The following PHF20L1 variants were observed in gnomAD, a reference collection of about 807,000 sequenced individuals.
PHF20L1 encodes PHD finger protein 20-like protein 1.
In PHF20L1, 44 loss-of-function variants were observed where a neutral mutation model predicts 125.5. The ratio of observed to expected loss-of-function variants is 0.35; its 90% CI spans 0.28 to 0.45. PHF20L1 has a LOEUF of 0.45. PHF20L1 is among the 20% of genes least tolerant of loss of function. The pLI is 1.00. For missense variants in PHF20L1, 1,012 were observed against 1,217.2 expected, an observed-to-expected ratio of 0.83 and a Z score of 2.51; for synonymous variants, 380 against 403.1, an observed-to-expected ratio of 0.94 and a Z score of 0.69.
chr8:132,818,008 T>C (rs1586981006), intron 12 of PHF20L1: 1 of 152,438 alleles, frequency 6.6e-6, no homozygotes, highest in South Asian at 2.1e-4. Context: ...CCAAATTGAA[T>C]TAAATTTGCT....
At chr8:132,797,435 C>T (rs890640860) in intron 4 of PHF20L1, among the ~76,000 whole-genome samples, 1 of 151,790 alleles carries the variant, frequency 6.6e-6, no homozygotes, top group Admixed American at 6.6e-5. Context: ...TAGATAGACA[C>T]AGGGAAAGGA....
intron 2 of PHF20L1, among the ~76,000 whole-genome samples, chr8:132,787,644 T>G (rs1831205016): frequency 6.6e-6 from 1 of 152,140 alleles, no homozygotes; most frequent in Non-Finnish European, 1.5e-5. Flanking sequence ...GTTTGTTGTT[T>G]TTAAAGTATG....
Position 132,844,273 on chromosome 8 carries a change from A to G in PHF20L1, c.2866A>G (p.Asn956Asp). 1 of 1,612,776 alleles carries G rather than the reference A, an allele frequency of 6.2e-7. No homozygotes were observed. Among genetic ancestry groups the G allele is most frequent in the Non-Finnish European group, 8.5e-7 (1 of 1,179,106 alleles). ...NLLTHIENVQ[N>D]EVTSRMDLIE... ...CCTTACACACATAGAAAATGTGCAG[A>G]ACGAAGTTACCAGCAGGATGGACCT... Residue 956 changes from asparagine (N) to aspartate (D), a missense_variant, in exon 20 of 21, where the codon AAC (asparagine) becomes GAC (aspartate). Coordinates refer to ENST00000395386, the MANE Select transcript of PHF20L1 (RefSeq NM_016018.5).
intron 17 of PHF20L1, chr8:132,838,615 C>G (rs533870760): frequency 6.6e-6 from 1 of 152,052 alleles, no homozygotes; most frequent in South Asian, 2.1e-4. Flanking sequence ...GGTCCCATGA[C>G]TATTGGAAAA....
chr8:132,791,706 A>C (rs1391688994), intron 2 of PHF20L1, among the ~76,000 whole-genome samples: 1 of 152,234 alleles, frequency 6.6e-6, no homozygotes, highest in Non-Finnish European at 1.5e-5. Flanking sequence ...AAATTTGATT[A>C]GTGAACATGA....
In PHF20L1 at chr8:132,817,322, C is replaced by G. The variant is rs1053542979; in HGVS notation, c.1373-17C>G. On this transcript the variant is annotated splice_polypyrimidine_tract_variant and intron_variant, in intron 11 of 20. Coordinates refer to ENST00000395386, the MANE Select transcript of PHF20L1 (RefSeq NM_016018.5). ...TTATCTGTGTTAATATTACATTACA[C>G]TCTTTATTTTGTGTAGTGCCTGATG... The G allele has an allele frequency of 1.3e-6, 2 of 1,595,710 alleles. No individual in the cohort carries two copies. Among genetic ancestry groups the G allele is most frequent in the Admixed American group, 3.4e-5 (2 of 59,630 alleles).
chr8:132,815,414 C>T (rs890921590), intron 10 of PHF20L1: 5 of 151,736 alleles, frequency 3.3e-5, no homozygotes, highest in East Asian at 3.9e-4. Context: ...CAAGAGTTAA[C>T]GCAGTCTTTT....
intron 2 of PHF20L1, among the ~76,000 whole-genome samples, chr8:132,779,355 T>C (rs1830176814): frequency 6.6e-6 from 1 of 152,190 alleles, no homozygotes; most frequent in South Asian, 2.1e-4. Context: ...CATTAGACCA[T>C]GCAACAGAAA....
chr8:132,842,422 T>TCGA (rs1458692971), intron 18 of PHF20L1, 93 bp from the exon 19 acceptor site: 31 of 1,191,050 alleles, frequency 2.6e-5, no homozygotes, highest in Non-Finnish European at 3.6e-5. Context: ...CTAGATGTCC[T>TCGA]CCTAACCTAA....
intron 1 of PHF20L1, among the ~76,000 whole-genome samples, chr8:132,776,817 G>A (rs535921708): frequency 2.0e-5 from 3 of 152,206 alleles, no homozygotes; most frequent in African/African-American, 7.2e-5. Context: ...ACATTTTACG[G>A]ATCTCTCCTC....
chr8:132,804,887 A>G, intron 8 of PHF20L1, 147 bp downstream of exon 8: 1 of 681,306 alleles, frequency 1.5e-6, no homozygotes, highest in Non-Finnish European at 2.5e-6. Flanking sequence ...CTTCAAGGTC[A>G]ATGTCTTTCA....
intron 9 of PHF20L1, chr8:132,811,646 T>C: frequency 1.0e-6 from 1 of 985,094 alleles, no homozygotes. Context: ...GGTCTGTCTT[T>C]AAACCACCTA....
chr8:132,788,016 A>G (rs1441441257), intron 2 of PHF20L1, among the ~76,000 whole-genome samples: 1 of 152,062 alleles, frequency 6.6e-6, no homozygotes, highest in East Asian at 1.9e-4. Context: ...CCACAAAACT[A>G]TTTTGAATTG....
At chr8:132,799,436 T>C (rs959815438) in intron 6 of PHF20L1, 9 of 261,240 alleles carry the variant, frequency 3.4e-5, no homozygotes, top group African/African-American at 2.0e-4. Context: ...ATGGTAAGCA[T>C]TGGAAGGAGA....
At chr8:132,812,208 A>G (rs913981372) in intron 9 of PHF20L1, 20 of 979,058 alleles carry the variant, frequency 2.0e-5, no homozygotes, top group Non-Finnish European at 2.4e-5. Context: ...GTATTACTAT[A>G]TTCAACGTCC....
chr8:132,839,420 A>C lies in PHF20L1; in HGVS notation c.2225A>C (p.Lys742Thr). ...TGGAGTGCAAAATATCGTTATGATA[A>C]GGAGTGGTTGAATAATGGGAGAATG... The part of the protein sequence containing the change: ...QRWSAKYRYD[K>T]EWLNNGRMCG... The change falls in exon 18 of 21, where the codon AAG (lysine) becomes ACG (threonine). Residue 742 changes from lysine (K) to threonine (T), a missense_variant. Around this residue, in one of 7 missense-constraint regions of PHF20L1, gnomAD observed 55 missense variants for 114.8 expected, o/e 0.48. Transcript: ENST00000395386. 6.2e-7 allele frequency: 1 copy of C among 1,613,404 alleles called. No individual in the cohort carries two copies. Among genetic ancestry groups the C allele is most frequent in the Non-Finnish European group, 8.5e-7 (1 of 1,179,464 alleles).
Position 132,825,286 on chromosome 8 carries a change from GGAAAGAA to G in PHF20L1, c.1662_1668del (p.Lys558ThrfsTer42). 1 of 1,555,628 alleles carries G rather than the reference GGAAAGAA, an allele frequency of 6.4e-7. No individual in the cohort carries two copies. Among genetic ancestry groups the G allele is most frequent in the Non-Finnish European group, 8.8e-7 (1 of 1,131,962 alleles). On this transcript the variant is annotated frameshift_variant, in exon 14 of 21. Transcript: ENST00000395386. LOFTEE classifies it high-confidence loss of function. The stretch of plus-strand genomic sequence containing the variant: ...TAGGTAAGAGAAAAGAAAAAGATAA[GGAAAGAA>G]GAGAGAAGAGAGACAAAGATCACTA...
rs116458893 is a variant in PHF20L1, at chr8:132,799,325, C to T, written c.507+153C>T. Reference sequence around the variant, plus strand: ...TAGTCATTCATCTTCCTTTAAAAGGCGCTTACCTGACACTCTGTAGGCTGT... The same window carrying T: ...TAGTCATTCATCTTCCTTTAAAAGGTGCTTACCTGACACTCTGTAGGCTGT... On this transcript the variant is annotated intron_variant, in intron 6 of 20. Transcript: ENST00000395386. 1.3e-3 allele frequency: 683 copies of T among 538,256 alleles called. 2 individuals carry two copies. The highest frequency in any genetic ancestry group is 0.011 in the African/African-American group (558 of 52,800). 33.3% of individuals were successfully genotyped at this position (538,256 alleles called of 1,614,324 possible).
In PHF20L1 at chr8:132,780,261, G is replaced by A. The variant is rs192613814; in HGVS notation, c.83+2350G>A. Among the ~76,000 whole-genome samples, 1,094 of 152,204 alleles carry A rather than the reference G, an allele frequency of 7.2e-3. 6 individuals are homozygous for A. The highest frequency in any genetic ancestry group is 0.012 in the Non-Finnish European group (848 of 67,970). ...GGACCAACTATTTAATTACTAAGAT[G>A]TATTGAATTTTATATGGGACACAAA... On this transcript the variant is annotated intron_variant, in intron 2 of 20. Coordinates refer to ENST00000395386, the MANE Select transcript of PHF20L1 (RefSeq NM_016018.5).
Sources: allele counts gnomAD v4.1 joint callset (sites outside exome capture counted in the v4.1 genomes callset), GRCh38; gene constraint gnomAD v4.1.1; regional missense constraint gnomAD v4.1.1; transcripts MANE v1.5; gene names NCBI Gene and HGNC (gene_info 2026-07-23, HGNC 2026-07-21).